The following CRTAC1 variants were observed in gnomAD, a reference collection of about 807,000 sequenced individuals.
The protein encoded by CRTAC1 is cartilage acidic protein 1.
In CRTAC1, 37 loss-of-function variants were observed where a neutral mutation model predicts 67.8. That is an observed-to-expected ratio of 0.55 (90% confidence interval 0.42 to 0.72). CRTAC1 has a LOEUF of 0.72. Ranked by LOEUF, CRTAC1 falls within the 30% of genes least tolerant of loss-of-function variation. CRTAC1 has a pLI of 0.00. For missense variants in CRTAC1, 780 were observed against 931.6 expected (o/e 0.84, Z 2.12); for synonymous variants, 348 against 371.0 (o/e 0.94, Z 0.71).
intron 2 of CRTAC1, among the ~76,000 whole-genome samples, chr10:97,985,680 G>A (rs1590264889): frequency 6.6e-6 from 1 of 152,200 alleles, no homozygotes; most frequent in South Asian, 2.1e-4. Flanking sequence ...CTCCTGTGTA[G>A]TCCAATTGTG....
At chr10:97,930,814 T>G (rs1257459638) in intron 3 of CRTAC1, among the ~76,000 whole-genome samples, 1 of 151,942 alleles carries the variant, frequency 6.6e-6, no homozygotes, top group East Asian at 1.9e-4. Context: ...GAGCCTCTGC[T>G]GAAGACCTCT....
intron 9 of CRTAC1, among the ~76,000 whole-genome samples, chr10:97,896,647 G>C (rs1564883348): frequency 6.6e-6 from 1 of 152,128 alleles, no homozygotes; most frequent in Non-Finnish European, 1.5e-5. Context: ...CCTGCCCACA[G>C]ACCCACAGAT....
rs374956458 is a variant in CRTAC1, at chr10:97,904,677, G to A, written c.988C>T (p.Arg330Cys). ...GTGAGGCCCCTTCTTACCCGGAAGC[G>A]GACCTTCCCATGGGTGCTCATTTGC... ...YLQMSTHGKV[R>C]FRDIASPKFS... is the part of the protein sequence containing the mutation. Residue 330 changes from arginine (R) to cysteine (C), a missense_variant, in exon 7 of 15, where the codon CGC becomes TGC. By Grantham distance (180) the Arg-to-Cys change is radical (BLOSUM62 -3). Coordinates refer to ENST00000370597, the MANE Select transcript of CRTAC1 (RefSeq NM_018058.7). 7 of 1,552,254 alleles carry A rather than the reference G, an allele frequency of 4.5e-6. No individual in the cohort carries two copies. Among genetic ancestry groups the A allele is most frequent in the South Asian group, 2.5e-5 (2 of 81,518 alleles).
rs1236047095 is a variant in CRTAC1, at chr10:97,914,371, G to A, written c.715+3129C>T. ...CTGGCAGAGCCTCAGAGTGGAAGGT[G>A]TTGGTATTTGCTATACTAGGTGGGC... On this transcript the variant is annotated intron_variant, in intron 5 of 14. Transcript: ENST00000370597. Among the ~76,000 whole-genome samples the A allele has an allele frequency of 5.3e-5, 8 of 152,226 alleles. No homozygotes were observed. The East Asian group carries it at 1.3e-3, about 26-fold the overall frequency.
At chr10:97,963,946 A>G (rs1480431004) in intron 2 of CRTAC1, among the ~76,000 whole-genome samples, 2 of 152,232 alleles carry the variant, frequency 1.3e-5, no homozygotes, top group African/African-American at 4.8e-5. Flanking sequence ...GTCTGTCTCC[A>G]GGACTCATAC....
chr10:98,015,004 A>T (rs1842969641), intron 1 of CRTAC1, among the ~76,000 whole-genome samples: 1 of 152,260 alleles, frequency 6.6e-6, no homozygotes, highest in Non-Finnish European at 1.5e-5. Flanking sequence ...ACCCATGTTC[A>T]TAGAAGTATT....
intron 2 of CRTAC1, among the ~76,000 whole-genome samples, chr10:97,951,926 T>C (rs570744934): frequency 9.8e-4 from 150 of 152,324 alleles, no homozygotes; most frequent in African/African-American, 3.5e-3. Flanking sequence ...TGAATCAGAA[T>C]CTGCATTTTA....
chr10:97,965,257 C>G (rs7085012), intron 2 of CRTAC1, among the ~76,000 whole-genome samples: 4,199 of 152,312 alleles, frequency 0.028, 186 homozygotes, highest in African/African-American at 0.094. Context: ...ATAGAACTCT[C>G]TGTGTGCCAA....
rs1035970443 is a variant in CRTAC1 at position 97,941,319 on chromosome 10, TC to T, written c.225-4954del. On this transcript the variant is annotated intron_variant, in intron 2 of 14. Coordinates refer to ENST00000370597, the MANE Select transcript of CRTAC1 (RefSeq NM_018058.7). ...TCCTTTCCCCACCGTAATTCCTTCT[TC>T]CTCTCCCTTCCCTTTTAATGTTGGA... 4.2e-4 allele frequency among the ~76,000 whole-genome samples: 64 copies of T among 152,166 alleles called. 1 individual carries two copies. The highest frequency in any genetic ancestry group is 1.5e-3 in the African/African-American group (64 of 41,482).
intron 14 of CRTAC1, chr10:97,867,578 T>C (rs989301285): frequency 3.9e-5 from 6 of 152,306 alleles, no homozygotes; most frequent in African/African-American, 1.4e-4. Context: ...GAGCCGCAGT[T>C]CAGTGGGCTC....
chr10:97,976,196 C>T (rs2051800209), intron 2 of CRTAC1, among the ~76,000 whole-genome samples: 1 of 152,234 alleles, frequency 6.6e-6, no homozygotes, highest in Middle Eastern at 3.2e-3. Context: ...TTCAGTAGGT[C>T]CTCTGCGCTC....
chr10:97,987,881 C>T (rs906398910), intron 2 of CRTAC1, among the ~76,000 whole-genome samples: 1 of 152,278 alleles, frequency 6.6e-6, no homozygotes, highest in South Asian at 2.1e-4. Flanking sequence ...AAGATCAATC[C>T]TACCCCCTTT....
At chr10:97,974,649 C>A (rs1367011650) in intron 2 of CRTAC1, among the ~76,000 whole-genome samples, 1 of 152,104 alleles carries the variant, frequency 6.6e-6, no homozygotes, top group Non-Finnish European at 1.5e-5. Context: ...CGGATTTCAT[C>A]TCTGCTCCCC....
chr10:97,931,557 T>G (rs995012449), intron 3 of CRTAC1, among the ~76,000 whole-genome samples: 4 of 152,196 alleles, frequency 2.6e-5, no homozygotes, highest in African/African-American at 9.6e-5. Flanking sequence ...AATGCATTGT[T>G]AAATGAAAAG....
intron 2 of CRTAC1, among the ~76,000 whole-genome samples, chr10:97,984,842 G>C (rs183892138): frequency 6.6e-6 from 1 of 152,358 alleles, no homozygotes; most frequent in African/African-American, 2.4e-5. Context: ...GAGCTCACTA[G>C]TTCAAAGGGA....
At chr10:97,948,631 C>G (rs995598333) in intron 2 of CRTAC1, among the ~76,000 whole-genome samples, 1 of 151,838 alleles carries the variant, frequency 6.6e-6, no homozygotes, top group African/African-American at 2.4e-5. Flanking sequence ...ATGGGTTGGG[C>G]CTGGAATTAA....
chr10:97,974,518 A>G (rs1034703705), intron 2 of CRTAC1, among the ~76,000 whole-genome samples: 5 of 152,230 alleles, frequency 3.3e-5, no homozygotes, highest in African/African-American at 1.2e-4. Context: ...CTCTTTCGAC[A>G]CTTCCCAATA....
chr10:97,926,094 C>T (rs2050913191), intron 3 of CRTAC1, among the ~76,000 whole-genome samples: 1 of 152,192 alleles, frequency 6.6e-6, no homozygotes, highest in Admixed American at 6.5e-5. Flanking sequence ...GGAAAAGTCC[C>T]TTCCGCTGAG....
rs1233124549 is a variant in CRTAC1, at chr10:97,923,383, C to T, written c.439G>A (p.Asp147Asn). 3.7e-6 allele frequency: 6 copies of T among 1,613,994 alleles called. No individual in the cohort carries two copies. The highest frequency in any genetic ancestry group is 1.6e-4 in the Middle Eastern group (1 of 6,084). ...TTATTGCGGAACTTGAACAACTTGT[C>T]GGTGTACGTGGCCACCCCTGGAGAG... ...NAFSGVATYT[D>N]KLFKFRNNRW... is the part of the protein sequence containing the mutation. The change falls in exon 4 of 15, where the codon GAC (aspartate) becomes AAC (asparagine). Residue 147 changes from aspartate (D) to asparagine (N), a missense_variant. Physicochemically the swap from Asp to Asn is conservative, Grantham distance 23. Coordinates refer to ENST00000370597, the MANE Select transcript of CRTAC1 (RefSeq NM_018058.7).
Sources: allele counts gnomAD v4.1 joint callset (sites outside exome capture counted in the v4.1 genomes callset), GRCh38; gene constraint gnomAD v4.1.1; transcripts MANE v1.5; gene names NCBI Gene and HGNC (gene_info 2026-07-23, HGNC 2026-07-21).